Variants in HS6ST3 observed in about 807,000 individuals in gnomAD.
HS6ST3 encodes heparan-sulfate 6-O-sulfotransferase 3.
A neutral mutation model predicts 36.7 loss-of-function variants in HS6ST3; 12 were observed. The observed-to-expected ratio is 0.33, with a 90% CI of 0.21 to 0.53. The LOEUF (loss-of-function observed/expected upper bound fraction) is 0.53, where lower values mean the gene tolerates loss of function less well. Among genes scored for constraint, HS6ST3 ranks in the 20% least tolerant of loss-of-function variants. HS6ST3 has a pLI of 0.95. For synonymous variants in HS6ST3, 240 were observed against 257.5 expected (o/e 0.93, Z 0.65); for missense variants, 584 against 640.9 (o/e 0.91, Z 0.96).
At chr13:96,581,187 A>G (rs2056340621) in intron 1 of HS6ST3, among the ~76,000 whole-genome samples, 1 of 152,042 alleles carries the variant, frequency 6.6e-6, no homozygotes, top group Non-Finnish European at 1.5e-5. Flanking sequence ...TGTGCCAAAT[A>G]GATTGCAGAA....
intron 1 of HS6ST3, among the ~76,000 whole-genome samples, chr13:96,297,768 C>T (rs1385378703): frequency 6.6e-6 from 1 of 152,106 alleles, no homozygotes; most frequent in Non-Finnish European, 1.5e-5. Flanking sequence ...TCCTCATCTG[C>T]ACTCCTATAA....
intron 1 of HS6ST3, among the ~76,000 whole-genome samples, chr13:96,766,070 C>T (rs1877106746): frequency 6.6e-6 from 1 of 151,890 alleles, no homozygotes; most frequent in Non-Finnish European, 1.5e-5. Flanking sequence ...CTTTTGTAGC[C>T]CTGGGTTGTA....
At chr13:96,363,252 A>G (rs1361891990) in intron 1 of HS6ST3, among the ~76,000 whole-genome samples, 3 of 151,594 alleles carry the variant, frequency 2.0e-5, no homozygotes, top group East Asian at 1.9e-4. Context: ...GATGCCATCA[A>G]TGGGAGTGGG....
chr13:96,542,085 C>T (rs2056180753), intron 1 of HS6ST3, among the ~76,000 whole-genome samples: 1 of 152,110 alleles, frequency 6.6e-6, no homozygotes, highest in Admixed American at 6.5e-5. Flanking sequence ...TTCAAAAATC[C>T]CTAGGGGCAG....
chr13:96,363,276 G>A (rs1474701187), intron 1 of HS6ST3, among the ~76,000 whole-genome samples: 1 of 147,350 alleles, frequency 6.8e-6, no homozygotes, highest in Non-Finnish European at 1.5e-5. Flanking sequence ...AGGGTTTATG[G>A]GGTCTTCCTG....
intron 1 of HS6ST3, among the ~76,000 whole-genome samples, chr13:96,479,798 G>C (rs1294743971): frequency 6.6e-6 from 1 of 152,000 alleles, no homozygotes; most frequent in Non-Finnish European, 1.5e-5. Context: ...AACTCTTTTG[G>C]GCACTCGTCC....
In HS6ST3 at chr13:96,678,643, C is replaced by T. The variant is rs189979078; in HGVS notation, c.708-153847C>T. 3.9e-5 allele frequency among the ~76,000 whole-genome samples: 6 copies of T among 151,952 alleles called. No individual in the cohort carries two copies. The East Asian group carries it at 1.2e-3, about 30-fold the overall frequency. ...GAGCCAAGATCGCACCACTGCACTCCAGCCTGGGTGACAGAGTGACAGAGT... is the reference window on the plus strand; with the variant it reads ...GAGCCAAGATCGCACCACTGCACTCTAGCCTGGGTGACAGAGTGACAGAGT... On this transcript the variant is annotated intron_variant, in intron 1 of 1. Coordinates refer to ENST00000376705, the MANE Select transcript of HS6ST3 (RefSeq NM_153456.4).
At chr13:96,261,764 C>T (rs1023870295) in intron 1 of HS6ST3, among the ~76,000 whole-genome samples, 1 of 152,114 alleles carries the variant, frequency 6.6e-6, no homozygotes, top group East Asian at 1.9e-4. Flanking sequence ...TGTGTAGAGG[C>T]TGTGGCTCTG....
At chr13:96,491,168 C>G (rs2055943401) in intron 1 of HS6ST3, among the ~76,000 whole-genome samples, 1 of 151,976 alleles carries the variant, frequency 6.6e-6, no homozygotes, top group Non-Finnish European at 1.5e-5. Flanking sequence ...AAGGGAAACA[C>G]CATTTATTTG....
At chr13:96,097,207 G>A (rs675144) in intron 1 of HS6ST3, among the ~76,000 whole-genome samples, 124,373 of 152,090 alleles carry the variant, frequency 0.82, 51,172 homozygotes, top group East Asian at 0.86. Context: ...GTTGATTTTA[G>A]AGAAATTGAA....
intron 1 of HS6ST3, among the ~76,000 whole-genome samples, chr13:96,160,214 AATTAAT>A (rs1273585656): frequency 2.0e-5 from 3 of 152,148 alleles, no homozygotes; most frequent in Non-Finnish European, 4.4e-5. Flanking sequence ...AAATGGTAGA[AATTAAT>A]ATACACTAAA....
chr13:96,337,284 C>T (rs1348946299), intron 1 of HS6ST3, among the ~76,000 whole-genome samples: 2 of 152,118 alleles, frequency 1.3e-5, no homozygotes, highest in South Asian at 2.1e-4. Context: ...ACCATGTTAG[C>T]CAGGATGGTC....
chr13:96,124,982 A>G (rs2053943689), intron 1 of HS6ST3, among the ~76,000 whole-genome samples: 1 of 152,220 alleles, frequency 6.6e-6, no homozygotes, highest in Admixed American at 6.5e-5. Context: ...AAGAAAAAAG[A>G]TATTAGAGTA....
At chr13:96,687,543 A>G (rs936941804) in intron 1 of HS6ST3, among the ~76,000 whole-genome samples, 1 of 152,036 alleles carries the variant, frequency 6.6e-6, no homozygotes, top group Non-Finnish European at 1.5e-5. Flanking sequence ...AAATGATTAC[A>G]TATTTCCAAC....
intron 1 of HS6ST3, among the ~76,000 whole-genome samples, chr13:96,292,524 AG>A (rs1353684728): frequency 6.6e-6 from 1 of 152,252 alleles, no homozygotes; most frequent in East Asian, 1.9e-4. Flanking sequence ...AATCTATGCA[AG>A]GAAATGGATT....
chr13:96,317,326 TTATATA>T (rs537839404), intron 1 of HS6ST3, among the ~76,000 whole-genome samples: 435 of 96,790 alleles, frequency 4.5e-3, no homozygotes, highest in Middle Eastern at 0.025. Flanking sequence ...TAGTATTCCA[TTATATA>T]TATATATATA....
chr13:96,717,306 A>G (rs1875724629), intron 1 of HS6ST3, among the ~76,000 whole-genome samples: 1 of 152,202 alleles, frequency 6.6e-6, no homozygotes, highest in South Asian at 2.1e-4. Flanking sequence ...TTAGGTAGGC[A>G]GATGGGTGGC....
At chr13:96,104,935 CT>C in intron 1 of HS6ST3, among the ~76,000 whole-genome samples, 1 of 151,962 alleles carries the variant, frequency 6.6e-6, no homozygotes, top group African/African-American at 2.4e-5. Flanking sequence ...TCTTACTGTA[CT>C]TGCCTAAAAC....
intron 1 of HS6ST3, among the ~76,000 whole-genome samples, chr13:96,592,294 TAC>T (rs1387463646): frequency 6.6e-6 from 1 of 152,174 alleles, no homozygotes; most frequent in Non-Finnish European, 1.5e-5. Context: ...AAAATCTCTA[TAC>T]CTTAACTTCA....
Sources: gnomAD v4.1 joint callset for allele counts (sites outside exome capture counted in the v4.1 genomes callset) on GRCh38, gnomAD v4.1.1 for gene constraint, MANE v1.5 for transcripts, NCBI Gene and HGNC (gene_info 2026-07-23, HGNC 2026-07-21) for gene names.